The following DLGAP1 variants were observed in gnomAD, a reference collection of about 807,000 sequenced individuals.
DLGAP1 encodes disks large-associated protein 1.
A neutral mutation model predicts 90.8 loss-of-function variants in DLGAP1; 11 were observed. The ratio of observed to expected loss-of-function variants is 0.12; its 90% CI spans 0.08 to 0.20. DLGAP1 has a LOEUF of 0.20. DLGAP1 is among the 10% of genes least tolerant of loss of function. The pLI, the probability that DLGAP1 is intolerant of heterozygous loss-of-function variation, is 1.00. For missense variants in DLGAP1, 1,050 were observed against 1,333.8 expected, an observed-to-expected ratio of 0.79 and a Z score of 3.31; for synonymous variants, 558 against 540.7, an observed-to-expected ratio of 1.03 and a Z score of -0.44.
chr18:4,399,797 T>C (rs1287220231), intron 1 of DLGAP1, among the ~76,000 whole-genome samples: 4 of 152,150 alleles, frequency 2.6e-5, no homozygotes, highest in East Asian at 3.9e-4. Context: ...CCTCACTTCA[T>C]AGGGGGCTAA....
At chr18:3,770,552 A>G (rs990358948) in intron 5 of DLGAP1, among the ~76,000 whole-genome samples, 3 of 152,326 alleles carry the variant, frequency 2.0e-5, no homozygotes, top group South Asian at 4.1e-4. Context: ...TATGTTTTAC[A>G]TGGGCTTTAG....
At chr18:3,600,881 G>GATATATATAGATATATAGATATAGAT (rs2056931862) in intron 7 of DLGAP1, among the ~76,000 whole-genome samples, 8 of 9,928 alleles carry the variant, frequency 8.1e-4, no homozygotes, top group Non-Finnish European at 2.1e-3. Flanking sequence ...TAGATATATA[G>GATATATATAGATATATAGATATAGAT]ATAGATATAT....
chr18:4,324,907 T>C (rs1469433091), intron 1 of DLGAP1, among the ~76,000 whole-genome samples: 1 of 152,128 alleles, frequency 6.6e-6, no homozygotes, highest in African/African-American at 2.4e-5. Flanking sequence ...ACAGACAATA[T>C]CATACTGAAT....
intron 5 of DLGAP1, among the ~76,000 whole-genome samples, chr18:3,803,558 G>T (rs182383141): frequency 8.5e-5 from 13 of 152,270 alleles, no homozygotes; most frequent in Admixed American, 2.6e-4. Context: ...TGGGAAAGAG[G>T]TGTGGTCCAA....
chr18:3,880,746 C>T (rs1053334769), intron 3 of DLGAP1, among the ~76,000 whole-genome samples: 5 of 151,688 alleles, frequency 3.3e-5, no homozygotes, highest in African/African-American at 1.2e-4. Context: ...AGTTTGAGAC[C>T]AGCCTGGCCA....
Position 3,613,986 on chromosome 18 carries a change from G to A in DLGAP1, c.1592-31738C>T, listed in dbSNP as rs566193850. On this transcript the variant is annotated intron_variant, in intron 7 of 12. Transcript: ENST00000315677. ...TGCCCAGGCTGGAGTGAAGTGGCGC[G>A]ATCTCAGCTCACTGCAAGCTCCGCC... is the stretch of plus-strand genomic sequence containing the variant. 2.3e-4 allele frequency among the ~76,000 whole-genome samples: 35 copies of A among 151,972 alleles called. No homozygotes were observed. The South Asian group carries it at 5.4e-3, about 23-fold the overall frequency.
intron 1 of DLGAP1, among the ~76,000 whole-genome samples, chr18:4,375,222 C>A (rs2081991665): frequency 6.6e-6 from 1 of 152,056 alleles, no homozygotes; most frequent in Admixed American, 6.6e-5. Flanking sequence ...ATGTGTTTTT[C>A]AGTGAAATAT....
intron 7 of DLGAP1, among the ~76,000 whole-genome samples, chr18:3,589,336 A>G (rs2056099089): frequency 6.6e-6 from 1 of 152,250 alleles, no homozygotes; most frequent in African/African-American, 2.4e-5. Flanking sequence ...TTAACAGCAC[A>G]CAAGTGTCAG....
At chr18:3,572,572 C>T (rs903036681) in intron 8 of DLGAP1, among the ~76,000 whole-genome samples, 4 of 152,184 alleles carry the variant, frequency 2.6e-5, no homozygotes, top group Non-Finnish European at 4.4e-5. Context: ...GCCTCAGCCT[C>T]CCGAGTAGCT....
At chr18:3,740,621 T>C (rs1428613302) in intron 6 of DLGAP1, among the ~76,000 whole-genome samples, 1 of 152,098 alleles carries the variant, frequency 6.6e-6, no homozygotes. Flanking sequence ...TTTTGACAGA[T>C]GTTTCAGTGA....
At chr18:3,910,183 G>A (rs925499582) in intron 3 of DLGAP1, among the ~76,000 whole-genome samples, 1 of 151,128 alleles carries the variant, frequency 6.6e-6, no homozygotes, top group African/African-American at 2.4e-5. Context: ...TCTTTCCAAT[G>A]AGCATGTGGA....
intron 9 of DLGAP1, among the ~76,000 whole-genome samples, chr18:3,559,977 ATAAT>A (rs1274079861): frequency 1.3e-5 from 2 of 152,244 alleles, no homozygotes; most frequent in East Asian, 3.9e-4. Flanking sequence ...GTACTTTGTA[ATAAT>A]TAATAATTTC....
chr18:4,136,409 C>T (rs2076402455), intron 2 of DLGAP1, among the ~76,000 whole-genome samples: 1 of 152,228 alleles, frequency 6.6e-6, no homozygotes, highest in African/African-American at 2.4e-5. Flanking sequence ...TTGTTATTAT[C>T]TGTCTTTTGG....
At chr18:4,182,735 C>T (rs1412688132) in intron 1 of DLGAP1, among the ~76,000 whole-genome samples, 1 of 152,098 alleles carries the variant, frequency 6.6e-6, no homozygotes, top group Non-Finnish European at 1.5e-5. Context: ...ATTCTTCTTC[C>T]CCTACACTGG....
chr18:3,732,577 A>G lies in DLGAP1; in HGVS notation c.1351-3202T>C, dbSNP rs566412609. On this transcript the variant is annotated intron_variant, in intron 6 of 12. Transcript: ENST00000315677. ...TCGATTTTTAAAAAATATCACATTA[A>G]CTCATAGATTTAAAAATATTTGATG... Among the ~76,000 whole-genome samples the G allele has an allele frequency of 3.5e-4, 53 of 152,336 alleles. 2 individuals carry two copies. The South Asian group carries it at 9.9e-3, about 29-fold the overall frequency.
At chr18:4,209,602 T>C (rs1438583577) in intron 1 of DLGAP1, among the ~76,000 whole-genome samples, 1 of 152,236 alleles carries the variant, frequency 6.6e-6, no homozygotes, top group Non-Finnish European at 1.5e-5. Flanking sequence ...ATATTTAATT[T>C]GTTTATATCA....
At chr18:4,253,401 C>A (rs1598733655) in intron 1 of DLGAP1, among the ~76,000 whole-genome samples, 3 of 152,152 alleles carry the variant, frequency 2.0e-5, no homozygotes, top group Admixed American at 1.3e-4. Context: ...TTAGAACTAT[C>A]TTATTTTATT....
chr18:4,231,157 ATAAT>A (rs2145052547), intron 1 of DLGAP1, among the ~76,000 whole-genome samples: 1 of 152,292 alleles, frequency 6.6e-6, no homozygotes, highest in South Asian at 2.1e-4. Flanking sequence ...CAGGAATATT[ATAAT>A]TATTCAACTT....
rs1568516415 is a variant in DLGAP1, at chr18:4,328,046, A to ATCTTT, written c.-267+126959_-267+126960insAAAGA. Among the ~76,000 whole-genome samples the ATCTTT allele has an allele frequency of 7.4e-3, 1,127 of 151,918 alleles. 17 individuals carry two copies. Among genetic ancestry groups the ATCTTT allele is most frequent in the African/African-American group, 0.026 (1,067 of 41,474 alleles). Reference sequence around the variant, plus strand: ...ACTACCATCTCTTATCTATTTTCTTAAGAGCTCATTTATCTTTCCAAAATA... The same window carrying ATCTTT: ...ACTACCATCTCTTATCTATTTTCTTATCTTTAGAGCTCATTTATCTTTCCAAAATA... On this transcript the variant is annotated intron_variant, in intron 1 of 12. Transcript: ENST00000315677.
Sources: allele counts gnomAD v4.1 joint callset (sites outside exome capture counted in the v4.1 genomes callset), GRCh38; gene constraint gnomAD v4.1.1; transcripts MANE v1.5; gene names NCBI Gene and HGNC (gene_info 2026-07-23, HGNC 2026-07-21).